The following DNAH8 variants were observed in gnomAD, a reference collection of about 807,000 sequenced individuals.
DNAH8 encodes the protein dynein axonemal heavy chain 8, also known as axonemal beta dynein heavy chain 8.
DNAH8 carries 382 observed loss-of-function variants against 562.1 expected under a neutral mutation model. The ratio of observed to expected loss-of-function variants is 0.68; its 90% CI spans 0.63 to 0.74. DNAH8 has a LOEUF of 0.74. DNAH8 is among the 30% of genes least tolerant of loss of function. DNAH8 has a pLI of 0.00. For synonymous variants in DNAH8, 1,881 were observed against 1,919.4 expected (o/e 0.98, Z 0.52); for missense variants, 5,203 against 5,620.4 (o/e 0.93, Z 2.37).
At chr6:38,803,156 A>G (rs559501765) in intron 21 of DNAH8, 23 bp from the exon 22 acceptor site, 53 of 1,533,532 alleles carry the variant, frequency 3.5e-5, no homozygotes, top group East Asian at 2.6e-4. Context: ...CTGGAAAATA[A>G]TAGTCATTTC....
In DNAH8 at chr6:38,860,646, T is replaced by C. The variant is rs1776549543; in HGVS notation, c.6131+17T>C. The C allele has an allele frequency of 6.8e-7, 1 of 1,460,996 alleles. No homozygotes were observed. Among genetic ancestry groups the C allele is most frequent in the Non-Finnish European group, 9.0e-7 (1 of 1,109,622 alleles). 90.5% of individuals were successfully genotyped at this position (1,460,996 alleles called of 1,614,324 possible). On this transcript the variant is annotated intron_variant, in intron 43 of 92. Coordinates refer to ENST00000327475, the MANE Select transcript of DNAH8 (RefSeq NM_001206927.2). ...AACAGATAGGTAGGAAACCCAGTTTTCGTTTTTTATTTTGTAATTTTAAAA... is the reference window on the plus strand; with the variant it reads ...AACAGATAGGTAGGAAACCCAGTTTCCGTTTTTTATTTTGTAATTTTAAAA...
At chr6:38,870,270 A>G (rs1263169263) in intron 48 of DNAH8, 131 bp from the exon 49 acceptor site, 2 of 783,312 alleles carry the variant, frequency 2.6e-6, no homozygotes, top group Non-Finnish European at 4.1e-6. Flanking sequence ...GTACTAGAGA[A>G]TACAAGCCTG....
intron 74 of DNAH8, among the ~76,000 whole-genome samples, chr6:38,927,285 A>G (rs756197112): frequency 2.0e-5 from 3 of 152,236 alleles, no homozygotes; most frequent in African/African-American, 4.8e-5. Context: ...ACAAAAAGCC[A>G]TAACAAACAT....
chr6:38,720,339 C>T lies in DNAH8; in HGVS notation c.-34-2437C>T, dbSNP rs556895814. ...TGCTCTGTAACTTGGCCAAAGAAGA[C>T]ACCAAATCAGAGTTGCTGTTTGGCA... On this transcript the variant is annotated intron_variant, in intron 1 of 92. Transcript: ENST00000327475. Among the ~76,000 whole-genome samples, 6 of 152,314 alleles carry T rather than the reference C, an allele frequency of 3.9e-5. No homozygotes were observed. In the East Asian group the frequency reaches 9.6e-4, roughly 24 times the overall value.
rs764854257 is a variant in DNAH8 at position 39,012,252 on chromosome 6, C to T, written c.13409C>T (p.Ser4470Leu). The T allele has an allele frequency of 3.1e-6, 5 of 1,611,416 alleles. No individual in the cohort carries two copies. In the South Asian group the frequency reaches 5.5e-5, roughly 18 times the overall value. ...SRLIKMGHLN[S>L]MNIFLRQEID... The stretch of plus-strand genomic sequence containing the variant: ...TTGATAAAGATGGGCCATCTTAATT[C>T]AATGAACATATTTCTTAGACAAGAA... Residue 4470 changes from serine to leucine, a missense_variant, in exon 90 of 93, where the codon TCA (serine) becomes TTA (leucine). Ser to Leu is a moderately radical substitution (Grantham distance 145, BLOSUM62 -2). Around this residue, in one of 6 missense-constraint regions of DNAH8, gnomAD observed 1,399 missense variants for 1,518.4 expected, o/e 0.92. Transcript: ENST00000327475.
chr6:38,766,680 C>A (rs1356604211), intron 11 of DNAH8, among the ~76,000 whole-genome samples: 1 of 151,904 alleles, frequency 6.6e-6, no homozygotes, highest in African/African-American at 2.4e-5. Flanking sequence ...GTAGGTCACA[C>A]CCCCAACCCC....
chr6:38,993,892 A>AT (rs1390520110), intron 88 of DNAH8, among the ~76,000 whole-genome samples: 1 of 152,090 alleles, frequency 6.6e-6, no homozygotes, highest in Non-Finnish European at 1.5e-5. Context: ...TAATAACTTT[A>AT]TGCTTGTGGA....
chr6:38,856,864 C>T (rs1181519493), intron 41 of DNAH8, among the ~76,000 whole-genome samples: 1 of 152,018 alleles, frequency 6.6e-6, no homozygotes, highest in Non-Finnish European at 1.5e-5. Context: ...AAGGGACAAC[C>T]CTTTCAGTGA....
rs1245553309 is a variant in DNAH8 at position 38,756,049 on chromosome 6, C to T, written c.1485C>T (p.Thr495=). 1 of 1,602,248 alleles carries T rather than the reference C, an allele frequency of 6.2e-7. No homozygotes were observed. The highest frequency in any genetic ancestry group is 1.3e-5 in the African/African-American group (1 of 74,662). The change falls in exon 10 of 93, where the codon ACC becomes ACT. Residue 495 remains threonine (T), a synonymous_variant. Coordinates refer to ENST00000327475, the MANE Select transcript of DNAH8 (RefSeq NM_001206927.2). ...MIHGVSRYYN[T]SERMTSLFIK... ...ACGGTGTGTCAAGGTATTATAATAC[C>T]TCAGAGAGAATGACCTCATTGTTTA...
chr6:39,024,129 C>T (rs894728770), intron 91 of DNAH8, among the ~76,000 whole-genome samples: 5 of 152,186 alleles, frequency 3.3e-5, no homozygotes, highest in African/African-American at 1.2e-4. Flanking sequence ...CCTCTGGCAC[C>T]TATGACATTG....
chr6:38,851,532 A>G lies in DNAH8; in HGVS notation c.5364-40A>G, dbSNP rs1775741590. On this transcript the variant is annotated intron_variant, in intron 38 of 92. Coordinates refer to ENST00000327475, the MANE Select transcript of DNAH8 (RefSeq NM_001206927.2). ...CTAAAAAAATAATAATTTAGGGGAA[A>G]AAAAACCACTTGGTAACATACTGTC... 3 of 1,369,138 alleles carry G rather than the reference A, an allele frequency of 2.2e-6. No homozygotes were observed. In the Admixed American group the frequency reaches 6.6e-5, roughly 30 times the overall value. The allele number at this position is 1,369,138 out of a possible 1,614,324, so 84.8% of individuals were successfully genotyped here.
intron 52 of DNAH8, among the ~76,000 whole-genome samples, chr6:38,874,121 TTC>T (rs1317274537): frequency 5.7e-5 from 3 of 53,000 alleles, no homozygotes; most frequent in African/African-American, 6.1e-5. Flanking sequence ...TCCTTCCTCC[TTC>T]TCTCTTTCTT....
At chr6:38,918,319 T>C (rs1329342801) in intron 70 of DNAH8, among the ~76,000 whole-genome samples, 179 bp downstream of exon 70, 1 of 152,216 alleles carries the variant, frequency 6.6e-6, no homozygotes, top group Non-Finnish European at 1.5e-5. Flanking sequence ...ATCTGTTACA[T>C]GTTTCTTGAC....
intron 8 of DNAH8, among the ~76,000 whole-genome samples, chr6:38,748,755 AAATAATAATAAT>A (rs57398991): frequency 9.4e-5 from 13 of 138,606 alleles, no homozygotes; most frequent in African/African-American, 2.4e-4. Flanking sequence ...CTCCGTCTCA[AAATAATAATAAT>A]AATAATAATA....
At chr6:38,926,322 A>T (rs1782119028) in intron 74 of DNAH8, 112 bp downstream of exon 74, 2 of 1,212,010 alleles carry the variant, frequency 1.7e-6, no homozygotes, top group Non-Finnish European at 2.3e-6. Context: ...ATGTTTGCTA[A>T]TTCACACTCT....
intron 45 of DNAH8, 129 bp downstream of exon 45, chr6:38,864,189 A>C: frequency 1.2e-6 from 1 of 832,518 alleles, no homozygotes; most frequent in Non-Finnish European, 1.8e-6. Context: ...TTACCATATG[A>C]TTTTTTTTAT....
rs1352970938 is a variant in DNAH8, at chr6:38,938,121, G to A, written c.11711G>A (p.Arg3904His). The A allele has an allele frequency of 8.1e-6, 13 of 1,614,038 alleles. No homozygotes were observed. The highest frequency in any genetic ancestry group is 2.2e-5 in the East Asian group (1 of 44,838). ...AQEEFRPAAT[R>H]GSILYFLITE... ...GAGGAGTTCCGGCCCGCAGCCACCC[G>A]CGGAAGCATCCTCTACTTCCTCATC... The change falls in exon 78 of 93, where the codon CGC becomes CAC. Residue 3904 changes from arginine to histidine, a missense_variant. Around this residue, in one of 6 missense-constraint regions of DNAH8, gnomAD observed 1,399 missense variants for 1,518.4 expected, o/e 0.92. Coordinates refer to ENST00000327475, the MANE Select transcript of DNAH8 (RefSeq NM_001206927.2).
At chr6:38,734,345 A>C in intron 4 of DNAH8, 129 bp from the exon 5 acceptor site, 3 of 737,980 alleles carry the variant, frequency 4.1e-6, no homozygotes, top group Non-Finnish European at 5.5e-6. Context: ...CAAAAAAATT[A>C]TTCTATGACC....
At chr6:39,029,563 CCAGATG>C (rs1767532421) in intron 92 of DNAH8, among the ~76,000 whole-genome samples, 1 of 152,176 alleles carries the variant, frequency 6.6e-6, no homozygotes, top group Non-Finnish European at 1.5e-5. Flanking sequence ...GGGAGGGTGG[CCAGATG>C]CTGCCCTGGC....
Sources: gnomAD v4.1 joint callset for allele counts (sites outside exome capture counted in the v4.1 genomes callset) on GRCh38, gnomAD v4.1.1 for gene constraint, gnomAD v4.1.1 regional missense constraint, MANE v1.5 for transcripts, NCBI Gene and HGNC (gene_info 2026-07-23, HGNC 2026-07-21) for gene names.